RCC2: variants seen among roughly 807,000 people sequenced by gnomAD.
RCC2 encodes regulator of chromosome condensation 2, also known as protein RCC2.
Under a neutral mutation model 64.1 loss-of-function variants are expected in RCC2, and 19 were observed. That is an observed-to-expected ratio of 0.30 (90% CI 0.21 to 0.44). RCC2 has a LOEUF of 0.44. Among genes scored for constraint, RCC2 ranks in the 20% least tolerant of loss-of-function variants. RCC2 has a pLI of 1.00. For synonymous variants in RCC2, 325 were observed against 279.6 expected (o/e 1.16, Z -1.62); for missense variants, 508 against 710.4 (o/e 0.72, Z 3.24).
chr1:17,419,494 C>T (rs924076379), intron 7 of RCC2, among the ~76,000 whole-genome samples: 23 of 152,178 alleles, frequency 1.5e-4, no homozygotes, highest in Admixed American at 1.5e-3. Context: ...ATTTGGACAA[C>T]GAAACAAACA....
At chr1:17,423,811 T>C (rs946115820) in intron 4 of RCC2, among the ~76,000 whole-genome samples, 3 of 152,206 alleles carry the variant, frequency 2.0e-5, no homozygotes, top group Non-Finnish European at 4.4e-5. Flanking sequence ...TCTCCAGCAA[T>C]GAACTTTTCA....
intron 11 of RCC2, among the ~76,000 whole-genome samples, chr1:17,410,497 G>A (rs1302073117): frequency 3.9e-5 from 6 of 152,134 alleles, no homozygotes; most frequent in Non-Finnish European, 8.8e-5. Flanking sequence ...AAAATAAAAG[G>A]GCTTAAGCGT....
chr1:17,409,182 A>C lies in RCC2; in HGVS notation c.1477T>G (p.Tyr493Asp). The change falls in exon 13 of 13, where the codon TAC becomes GAC. Residue 493 changes from tyrosine to aspartate, a missense_variant. Coordinates refer to ENST00000375436, the MANE Select transcript of RCC2 (RefSeq NM_018715.4). ...CTTGCTATCACCAAGGAGTGTGAGTAGCCCATGGCGACCTGGGGGGACAAA... is the reference window on the plus strand; with the variant it reads ...CTTGCTATCACCAAGGAGTGTGAGTCGCCCATGGCGACCTGGGGGGACAAA... Reference protein sequence around the residue: ...GIFSEQVAMGYSHSLVIARDE... With the variant: ...GIFSEQVAMGDSHSLVIARDE... 6.2e-7 allele frequency: 1 copy of C among 1,613,126 alleles called. No individual in the cohort carries two copies. Among genetic ancestry groups the C allele is most frequent in the African/African-American group, 1.3e-5 (1 of 75,040 alleles).
At chr1:17,416,087 G>GT in intron 8 of RCC2, among the ~76,000 whole-genome samples, 1 of 107,682 alleles carries the variant, frequency 9.3e-6, no homozygotes, top group Non-Finnish European at 1.8e-5. Context: ...AAGGGGGGGG[G>GT]GGCGGGGGGG....
At chr1:17,433,213 GTTA>G (rs1348842002) in intron 2 of RCC2, among the ~76,000 whole-genome samples, 1 of 152,164 alleles carries the variant, frequency 6.6e-6, no homozygotes, top group African/African-American at 2.4e-5. Flanking sequence ...AGTGTATTTC[GTTA>G]TTATTTACAT....
At chr1:17,414,873 G>T (rs2075466614) in intron 8 of RCC2, among the ~76,000 whole-genome samples, 1 of 151,980 alleles carries the variant, frequency 6.6e-6, no homozygotes, top group African/African-American at 2.4e-5. Context: ...GCCCACCTTG[G>T]CCTCCCAAAG....
chr1:17,438,367 T>C lies in RCC2; in HGVS notation c.148A>G (p.Ser50Gly). The change falls in exon 2 of 13, where the codon AGC becomes GGC. Residue 50 changes from serine to glycine, a missense_variant. Physicochemically the swap from Ser to Gly is moderately conservative, Grantham distance 56. Around this residue, in one of 4 missense-constraint regions of RCC2, gnomAD observed 195 missense variants for 158.3 expected, o/e 1.23. Transcript: ENST00000375436. ...ERCSSSSGGG[S>G]SGDEDGLELD... ...TCCAGGCCGTCCTCGTCGCCGCTGC[T>C]GCCGCCGCCGCTGCTGCTACTGCAG... 1 of 1,242,320 alleles carries C rather than the reference T, an allele frequency of 8.0e-7. No homozygotes were observed. Among genetic ancestry groups the C allele is most frequent in the Non-Finnish European group, 1.0e-6 (1 of 996,234 alleles). The allele number at this position is 1,242,320 out of a possible 1,614,324, so 77.0% of individuals were successfully genotyped here.
rs755073915 is a variant in RCC2, at chr1:17,420,798, T to C, written c.775A>G (p.Met259Val). The C allele has an allele frequency of 1.2e-6, 2 of 1,609,918 alleles. No homozygotes were observed. The highest frequency in any genetic ancestry group is 8.5e-7 in the Non-Finnish European group (1 of 1,178,814). ...ATACTGAATTCAGCCCCACAGGCCA[T>C]TTTGGTAATTGGCTGGCCGTTGTAC... ...IMYNGQPITK[M>V]ACGAEFSMIM... The change falls in exon 7 of 13, where the codon ATG becomes GTG. Residue 259 changes from methionine (M) to valine (V), a missense_variant. By Grantham distance (21) the Met-to-Val change is conservative. Coordinates refer to ENST00000375436, the MANE Select transcript of RCC2 (RefSeq NM_018715.4).
chr1:17,430,557 G>A (rs1243372889), intron 2 of RCC2, among the ~76,000 whole-genome samples: 1 of 152,012 alleles, frequency 6.6e-6, no homozygotes, highest in East Asian at 1.9e-4. Context: ...GGAGGCTGAG[G>A]CGGGTGAATC....
At chr1:17,436,164 G>A (rs1347245513) in intron 2 of RCC2, among the ~76,000 whole-genome samples, 2 of 152,144 alleles carry the variant, frequency 1.3e-5, no homozygotes, top group African/African-American at 2.4e-5. Flanking sequence ...GTATAAACAG[G>A]AACTTAAAAG....
intron 11 of RCC2, 80 bp downstream of exon 11, chr1:17,412,042 G>A (rs2075432840): frequency 8.1e-7 from 1 of 1,234,820 alleles, no homozygotes; most frequent in Non-Finnish European, 1.2e-6. Context: ...TGTTTTGGGA[G>A]ACAGGTGGAG....
intron 12 of RCC2, 26 bp from the exon 13 acceptor site, chr1:17,409,220 G>A (rs1349375854): frequency 6.8e-6 from 10 of 1,464,734 alleles, no homozygotes; most frequent in Non-Finnish European, 2.9e-6. Flanking sequence ...AGCGTTGGGT[G>A]TGCCTGAGGC....
intron 3 of RCC2, among the ~76,000 whole-genome samples, chr1:17,426,115 C>A (rs911083369): frequency 3.3e-5 from 5 of 152,254 alleles, no homozygotes; most frequent in East Asian, 1.9e-4. Flanking sequence ...CCAGGAAACC[C>A]CGCTCACCCT....
chr1:17,414,537 A>AC (rs796688669), intron 8 of RCC2, among the ~76,000 whole-genome samples: 3 of 149,986 alleles, frequency 2.0e-5, no homozygotes, highest in Admixed American at 6.6e-5. Context: ...CTCAAAAAAA[A>AC]AAAACAAAAC....
intron 3 of RCC2, among the ~76,000 whole-genome samples, chr1:17,425,978 A>G (rs2075611329): frequency 6.6e-6 from 1 of 152,114 alleles, no homozygotes; most frequent in African/African-American, 2.4e-5. Flanking sequence ...CACCTCTCAC[A>G]GGGCTCAGCC....
At position 17,431,634 on chromosome 1, in the gene RCC2, C is replaced by T. The variant is rs181531674; in HGVS notation, c.286-2435G>A. ...TACGGCTCACGCATTTCTAAGATTACACATCTTCATGACGGATGATTTCCA... is the reference window on the plus strand; with the variant it reads ...TACGGCTCACGCATTTCTAAGATTATACATCTTCATGACGGATGATTTCCA... On this transcript the variant is annotated intron_variant, in intron 2 of 12. Coordinates refer to ENST00000375436, the MANE Select transcript of RCC2 (RefSeq NM_018715.4). Among the ~76,000 whole-genome samples the T allele has an allele frequency of 1.2e-4, 18 of 151,550 alleles. No homozygotes were observed. In the East Asian group the frequency reaches 2.7e-3, roughly 23 times the overall value.
chr1:17,429,361 A>G (rs200670577), intron 2 of RCC2, among the ~76,000 whole-genome samples, 162 bp from the exon 3 acceptor site: 1 of 152,064 alleles, frequency 6.6e-6, no homozygotes, highest in Admixed American at 6.6e-5. Flanking sequence ...CCCCTCCCTC[A>G]TCGGCAAGTG....
At position 17,407,665 on chromosome 1, in the gene RCC2, T is replaced by C. The variant is rs2075377135; in HGVS notation, c.*1425A>G. 6.6e-6 allele frequency: 1 copy of C among 152,554 alleles called. No homozygotes were observed. 9.5% of individuals were successfully genotyped at this position (152,554 alleles called of 1,614,324 possible). Reference sequence around the variant, plus strand: ...AAAAGCAACAACAACTACATCATTTTTGGCATTTTAACATGGAGACAGTGA... The same window carrying C: ...AAAAGCAACAACAACTACATCATTTCTGGCATTTTAACATGGAGACAGTGA... On this transcript the variant is annotated 3_prime_UTR_variant, in exon 13 of 13. Coordinates refer to ENST00000375436, the MANE Select transcript of RCC2 (RefSeq NM_018715.4).
In RCC2 at chr1:17,412,569, C is replaced by G. The variant is rs193088093; in HGVS notation, c.1314-375G>C. Reference sequence around the variant, plus strand: ...CATAATGATTTGGGCAGGGCTAGAGCCTTCAACAGATTAAAGCCACGCCGA... The same window carrying G: ...CATAATGATTTGGGCAGGGCTAGAGGCTTCAACAGATTAAAGCCACGCCGA... On this transcript the variant is annotated intron_variant, in intron 10 of 12. Transcript: ENST00000375436. 7.6e-4 allele frequency among the ~76,000 whole-genome samples: 116 copies of G among 152,300 alleles called. 1 individual carries two copies. The highest frequency in any genetic ancestry group is 2.7e-3 in the African/African-American group (112 of 41,568).
Sources: gnomAD v4.1 joint callset for allele counts (sites outside exome capture counted in the v4.1 genomes callset) on GRCh38, gnomAD v4.1.1 for gene constraint, gnomAD v4.1.1 regional missense constraint, MANE v1.5 for transcripts, NCBI Gene and HGNC (gene_info 2026-07-23, HGNC 2026-07-21) for gene names.